Variants in CRBN observed in about 807,000 individuals in gnomAD.
CRBN encodes cereblon, also known as protein cereblon.
CRBN carries 53 observed loss-of-function variants against 62.2 expected under a neutral mutation model. The observed-to-expected ratio is 0.85, with a 90% CI of 0.68 to 1.07. The LOEUF (loss-of-function observed/expected upper bound fraction) is 1.07, where lower values mean the gene tolerates loss of function less well. CRBN is among the 50% of genes least tolerant of loss of function. The pLI, the probability that CRBN is intolerant of heterozygous loss-of-function variation, is 0.00. For synonymous variants in CRBN, 208 were observed against 176.1 expected, an observed-to-expected ratio of 1.18 and a Z score of -1.43; for missense variants, 616 against 531.1, an observed-to-expected ratio of 1.16 and a Z score of -1.57.
intron 7 of CRBN, chr3:3,154,422 C>G (rs185740508): frequency 9.9e-5 from 45 of 455,260 alleles, no homozygotes; most frequent in African/African-American, 6.1e-4. Context: ...GAACTAGACT[C>G]ACTTCTTTTA....
intron 2 of CRBN, among the ~76,000 whole-genome samples, 155 bp from the exon 3 acceptor site, chr3:3,174,416 G>A (rs374407004): frequency 6.6e-6 from 1 of 152,092 alleles, no homozygotes; most frequent in Non-Finnish European, 1.5e-5. Flanking sequence ...CGAGGTAGGC[G>A]GATCACCTGA....
chr3:3,165,777 C>T (rs956207705), intron 5 of CRBN, among the ~76,000 whole-genome samples: 1 of 151,836 alleles, frequency 6.6e-6, no homozygotes, highest in Admixed American at 6.6e-5. Context: ...GCCTGTACCC[C>T]CTGAAAAAAA....
intron 6 of CRBN, chr3:3,155,853 C>G (rs1481667130): frequency 4.6e-6 from 1 of 219,686 alleles, no homozygotes; most frequent in South Asian, 7.6e-5. Context: ...GTTGTCCAGG[C>G]TGGAGTACAG....
intron 10 of CRBN, among the ~76,000 whole-genome samples, chr3:3,152,055 T>C (rs1264858679): frequency 6.6e-6 from 1 of 152,178 alleles, no homozygotes; most frequent in Non-Finnish European, 1.5e-5. Context: ...ACAACTGCAG[T>C]TGTCAACCTT....
chr3:3,150,813 G>C lies in CRBN; in HGVS notation c.*52C>G. The C allele has an allele frequency of 1.3e-6, 2 of 1,553,510 alleles. No homozygotes were observed. Among genetic ancestry groups the C allele is most frequent in the Non-Finnish European group, 8.8e-7 (1 of 1,135,568 alleles). On this transcript the variant is annotated 3_prime_UTR_variant, in exon 11 of 11. Transcript: ENST00000231948. ...ATCAGAGGCAATAATTTCCAAAGCA[G>C]ATCTTAGAATATAACCAATTTGTTA...
chr3:3,152,423 G>GAAAAAAAA, intron 10 of CRBN, 33 bp downstream of exon 10: 1 of 1,486,980 alleles, frequency 6.7e-7, no homozygotes, highest in Admixed American at 1.9e-5. Flanking sequence ...GGTAAAAAAA[G>GAAAAAAAA]AAAAAAAAAA....
At chr3:3,175,124 G>T in intron 2 of CRBN, 39 bp downstream of exon 2, 1 of 1,253,590 alleles carries the variant, frequency 8.0e-7, no homozygotes. Context: ...ACATTTAAAT[G>T]TATATCTATT....
At chr3:3,154,262 GCTTTT>G in intron 7 of CRBN, 187 bp from the exon 8 acceptor site, 1 of 579,870 alleles carries the variant, frequency 1.7e-6, no homozygotes, top group Non-Finnish European at 3.1e-6. Context: ...AAATTTAATT[GCTTTT>G]CTTATACTTT....
intron 1 of CRBN, 103 bp from the exon 2 acceptor site, chr3:3,175,372 T>A: frequency 1.2e-6 from 1 of 844,946 alleles, no homozygotes; most frequent in Non-Finnish European, 2.0e-6. Context: ...ACCACATGCA[T>A]TTGGTAAACT....
chr3:3,162,145 A>G (rs116001748), intron 5 of CRBN, among the ~76,000 whole-genome samples: 1,689 of 152,280 alleles, frequency 0.011, 29 homozygotes, highest in Middle Eastern at 0.027. Flanking sequence ...GAGACTCATT[A>G]CTTTCTTAGT....
At chr3:3,170,962 T>C (rs1669327) in intron 4 of CRBN, among the ~76,000 whole-genome samples, 130,317 of 152,052 alleles carry the variant, frequency 0.86, 58,427 homozygotes, top group South Asian at 0.99. Context: ...TGCGCCACCA[T>C]GCCCGGCTAA....
intron 5 of CRBN, among the ~76,000 whole-genome samples, chr3:3,159,769 G>A (rs1334078849): frequency 6.6e-6 from 1 of 152,170 alleles, no homozygotes; most frequent in Non-Finnish European, 1.5e-5. Context: ...AGATTAGCTA[G>A]CTAGCTTTTA....
intron 5 of CRBN, among the ~76,000 whole-genome samples, chr3:3,163,189 TA>T (rs1303882141): frequency 6.6e-6 from 1 of 152,210 alleles, no homozygotes; most frequent in Non-Finnish European, 1.5e-5. Context: ...TTTCAGAACC[TA>T]AGAAACTCTA....
Position 3,150,585 on chromosome 3 carries a change from G to T in CRBN, c.*280C>A. 3.4e-6 allele frequency: 1 copy of T among 295,130 alleles called. No homozygotes were observed. Among genetic ancestry groups the T allele is most frequent in the South Asian group, 4.1e-5 (1 of 24,208 alleles). The allele number at this position is 295,130 out of a possible 1,614,324, so 18.3% of individuals were successfully genotyped here. On this transcript the variant is annotated 3_prime_UTR_variant, in exon 11 of 11. Transcript: ENST00000231948. ...AAAGATGTCTTCATGTCCCATCAATGACATGCTACCAGACATATCAGATTC... is the reference window on the plus strand; with the variant it reads ...AAAGATGTCTTCATGTCCCATCAATTACATGCTACCAGACATATCAGATTC...
At position 3,153,982 on chromosome 3, in the gene CRBN, C is replaced by T. The variant is rs1255493476; in HGVS notation, c.929G>A (p.Cys310Tyr). 12 of 1,607,860 alleles carry T rather than the reference C, an allele frequency of 7.5e-6. No homozygotes were observed. Among genetic ancestry groups the T allele is most frequent in the Non-Finnish European group, 1.0e-5 (12 of 1,174,420 alleles). ...CACTTTATTCATAATGTCTAATTCACAGCGAAGTCGCTGGATAGCACTGCC... is the reference window on the plus strand; with the variant it reads ...CACTTTATTCATAATGTCTAATTCATAGCGAAGTCGCTGGATAGCACTGCC... ...KIGSAIQRLRCELDIMNKCTS... is the reference protein window; with the variant it reads ...KIGSAIQRLRYELDIMNKCTS... Residue 310 changes from cysteine (C) to tyrosine (Y), a missense_variant, in exon 8 of 11, where the codon TGT becomes TAT. Physicochemically the swap from Cys to Tyr is radical, Grantham distance 194 (BLOSUM62 -2). Transcript: ENST00000231948.
At chr3:3,174,499 G>C (rs978054439) in intron 2 of CRBN, among the ~76,000 whole-genome samples, 11 of 152,074 alleles carry the variant, frequency 7.2e-5, no homozygotes, top group African/African-American at 2.7e-4. Context: ...AAATTAGCCA[G>C]GTGTGGTGGT....
chr3:3,170,645 C>T (rs960782710), intron 4 of CRBN, among the ~76,000 whole-genome samples: 1 of 152,220 alleles, frequency 6.6e-6, no homozygotes, highest in African/African-American at 2.4e-5. Flanking sequence ...AAGGTGGTTA[C>T]AGGGCCAGAG....
chr3:3,178,856 T>G (rs148821646), intron 1 of CRBN, among the ~76,000 whole-genome samples: 2 of 152,256 alleles, frequency 1.3e-5, no homozygotes, highest in African/African-American at 4.8e-5. Flanking sequence ...TTGAAAGGCA[T>G]TCCATGAAAA....
chr3:3,176,886 A>T (rs193216797), intron 1 of CRBN, among the ~76,000 whole-genome samples: 1 of 152,392 alleles, frequency 6.6e-6, no homozygotes, highest in Non-Finnish European at 1.5e-5. Flanking sequence ...GAAAATTAGA[A>T]AACGCTACAC....
Sources: allele counts gnomAD v4.1 joint callset (sites outside exome capture counted in the v4.1 genomes callset), GRCh38; gene constraint gnomAD v4.1.1; transcripts MANE v1.5; gene names NCBI Gene and HGNC (gene_info 2026-07-23, HGNC 2026-07-21).